The following TBC1D8 variants were observed in gnomAD, a reference collection of about 807,000 sequenced individuals.
The protein encoded by TBC1D8 is BUB2-like protein 1.
TBC1D8 carries 65 observed loss-of-function variants against 118.8 expected under a neutral mutation model. The observed-to-expected ratio is 0.55, with a 90% CI of 0.45 to 0.67. The LOEUF is 0.67. TBC1D8 is among the 30% of genes least tolerant of loss of function. The pLI is 0.00. For missense variants in TBC1D8, 1,376 were observed against 1,471.2 expected, an observed-to-expected ratio of 0.94 and a Z score of 1.06; for synonymous variants, 566 against 595.8, an observed-to-expected ratio of 0.95 and a Z score of 0.73.
At chr2:101,016,505 A>G (rs1465265442) in intron 17 of TBC1D8, among the ~76,000 whole-genome samples, 4 of 152,210 alleles carry the variant, frequency 2.6e-5, no homozygotes, top group Non-Finnish European at 4.4e-5. Flanking sequence ...CCCTTGTGGA[A>G]GTCAGTGTGG....
chr2:101,025,118 TATAG>T (rs1680263408), intron 15 of TBC1D8, among the ~76,000 whole-genome samples: 1 of 152,206 alleles, frequency 6.6e-6, no homozygotes, highest in Non-Finnish European at 1.5e-5. Context: ...TGTGTGTATT[TATAG>T]ATAGATACAA....
At chr2:101,139,029 C>A (rs1678981841) in intron 1 of TBC1D8, among the ~76,000 whole-genome samples, 1 of 152,072 alleles carries the variant, frequency 6.6e-6, no homozygotes, top group Non-Finnish European at 1.5e-5. Flanking sequence ...AAGCAGAGGC[C>A]AAACAAGAAA....
intron 1 of TBC1D8, among the ~76,000 whole-genome samples, chr2:101,118,414 T>C (rs1353466887): frequency 6.6e-6 from 1 of 151,850 alleles, no homozygotes; most frequent in Non-Finnish European, 1.5e-5. Flanking sequence ...CTCCACCAGG[T>C]AGCCGGGCAC....
intron 5 of TBC1D8, among the ~76,000 whole-genome samples, chr2:101,047,998 G>A (rs1156756161): frequency 6.6e-6 from 1 of 152,166 alleles, no homozygotes; most frequent in African/African-American, 2.4e-5. Flanking sequence ...CAGTAGATTT[G>A]GGAGGAATCA....
At chr2:101,136,794 T>G (rs574063879) in intron 1 of TBC1D8, among the ~76,000 whole-genome samples, 4 of 152,356 alleles carry the variant, frequency 2.6e-5, no homozygotes, top group Admixed American at 2.6e-4. Flanking sequence ...GTAAGCAATC[T>G]TAATGCCTTG....
intron 2 of TBC1D8, among the ~76,000 whole-genome samples, chr2:101,076,394 G>T (rs1350713590): frequency 6.6e-6 from 1 of 152,208 alleles, no homozygotes; most frequent in Non-Finnish European, 1.5e-5. Context: ...AGCATCAATA[G>T]GAGTGAGACA....
intron 8 of TBC1D8, among the ~76,000 whole-genome samples, chr2:101,037,183 CAAAA>C (rs202005662): frequency 1.3e-5 from 2 of 150,356 alleles, no homozygotes; most frequent in African/African-American, 4.9e-5. Flanking sequence ...TCCCAGAAGA[CAAAA>C]AAAAAGGAAA....
At chr2:101,011,599 G>T (rs1160081483) in intron 17 of TBC1D8, 59 bp from the exon 18 acceptor site, 3 of 1,568,830 alleles carry the variant, frequency 1.9e-6, no homozygotes, top group Non-Finnish European at 2.6e-6. Flanking sequence ...AAAACTGACA[G>T]TAATGTAGCT....
intron 2 of TBC1D8, among the ~76,000 whole-genome samples, chr2:101,074,295 G>A (rs1471625228): frequency 6.6e-6 from 1 of 152,098 alleles, no homozygotes; most frequent in Non-Finnish European, 1.5e-5. Context: ...CGTCTTACAT[G>A]GTTCATAGCA....
At chr2:101,019,079 C>G (rs764504260) in intron 17 of TBC1D8, 1 of 1,589,084 alleles carries the variant, frequency 6.3e-7, no homozygotes. Flanking sequence ...TGGGTCTCGG[C>G]TCTTCATTGC....
At chr2:101,015,587 A>C (rs892701939) in intron 17 of TBC1D8, among the ~76,000 whole-genome samples, 15 of 152,242 alleles carry the variant, frequency 9.9e-5, no homozygotes, top group African/African-American at 3.4e-4. Context: ...CTATCAAAAA[A>C]ATCTTTTTAA....
intron 2 of TBC1D8, among the ~76,000 whole-genome samples, chr2:101,085,072 C>T (rs1296234600): frequency 3.3e-5 from 5 of 151,862 alleles, no homozygotes; most frequent in East Asian, 3.9e-4. Flanking sequence ...AGGATGGTCG[C>T]GATCTCCTGA....
chr2:101,045,071 G>A (rs780901897), intron 5 of TBC1D8, among the ~76,000 whole-genome samples: 2 of 152,138 alleles, frequency 1.3e-5, no homozygotes, highest in African/African-American at 4.8e-5. Flanking sequence ...TGATGAGACT[G>A]TAAGTAAGGA....
chr2:101,086,515 T>G (rs113891431), intron 2 of TBC1D8, among the ~76,000 whole-genome samples: 7 of 152,196 alleles, frequency 4.6e-5, no homozygotes, highest in Admixed American at 6.5e-5. Context: ...GTTACTAAAC[T>G]TCAATGATAA....
chr2:101,119,930 T>C (rs1032985512), intron 1 of TBC1D8, among the ~76,000 whole-genome samples: 2 of 152,098 alleles, frequency 1.3e-5, no homozygotes, highest in South Asian at 2.1e-4. Flanking sequence ...ATGAAGATAA[T>C]AGTCTCTCCT....
At chr2:101,140,775 T>C (rs1356339223) in intron 1 of TBC1D8, among the ~76,000 whole-genome samples, 1 of 151,506 alleles carries the variant, frequency 6.6e-6, no homozygotes, top group Admixed American at 6.6e-5. Flanking sequence ...TTTTTTTTTT[T>C]TTTTGAGACA....
chr2:101,026,838 G>A (rs1680367461), intron 15 of TBC1D8, among the ~76,000 whole-genome samples: 1 of 152,122 alleles, frequency 6.6e-6, no homozygotes, highest in South Asian at 2.1e-4. Context: ...ACTATATTAA[G>A]TTTTAGCTAT....
intron 17 of TBC1D8, chr2:101,019,052 G>T (rs1333777981): frequency 6.2e-7 from 1 of 1,609,496 alleles, no homozygotes; most frequent in East Asian, 2.2e-5. Context: ...GAGCCCTCCT[G>T]GAAGTGGATG....
At chr2:101,029,044 T>C (rs906724050) in intron 12 of TBC1D8, among the ~76,000 whole-genome samples, 1 of 152,186 alleles carries the variant, frequency 6.6e-6, no homozygotes, top group Non-Finnish European at 1.5e-5. Context: ...CAGTGCCACA[T>C]GGCAAACTGG....
Sources: allele counts gnomAD v4.1 joint callset (sites outside exome capture counted in the v4.1 genomes callset), GRCh38; gene constraint gnomAD v4.1.1; transcripts MANE v1.5; gene names NCBI Gene and HGNC (gene_info 2026-07-23, HGNC 2026-07-21).